The following CACNA2D3 variants were observed in gnomAD, a reference collection of about 807,000 sequenced individuals.
CACNA2D3 encodes voltage-dependent calcium channel subunit alpha-2/delta-3.
Under a neutral mutation model 160.6 loss-of-function variants are expected in CACNA2D3, and 60 were observed. That is an observed-to-expected ratio of 0.37 (90% CI 0.30 to 0.46). CACNA2D3 has a LOEUF of 0.46. Among genes scored for constraint, CACNA2D3 ranks in the 20% least tolerant of loss-of-function variants. The probability of loss-of-function intolerance (pLI) is 1.00; values close to 1 mark genes in which losing one functional copy is unlikely to be tolerated. For synonymous variants in CACNA2D3, 558 were observed against 492.9 expected, an observed-to-expected ratio of 1.13 and a Z score of -1.75; for missense variants, 1,205 against 1,365.0, an observed-to-expected ratio of 0.88 and a Z score of 1.85.
chr3:54,766,942 AAAAG>A (rs1702236383), intron 13 of CACNA2D3, among the ~76,000 whole-genome samples: 1 of 151,394 alleles, frequency 6.6e-6, no homozygotes, highest in African/African-American at 2.4e-5. Context: ...ACAAAAAAAA[AAAAG>A]AAAAAGCAAA....
At chr3:54,883,825 T>TCTCTCTCTCTCC (rs59265675) in intron 21 of CACNA2D3, among the ~76,000 whole-genome samples, 6 of 144,320 alleles carry the variant, frequency 4.2e-5, no homozygotes, top group African/African-American at 1.6e-4. Context: ...CTCTCTCTCC[T>TCTCTCTCTCTCC]CTCTCTCCCT....
chr3:54,246,628 G>A (rs906003989), intron 2 of CACNA2D3, among the ~76,000 whole-genome samples: 31 of 151,402 alleles, frequency 2.0e-4, no homozygotes, highest in African/African-American at 7.6e-4. Flanking sequence ...GGAGGCTGAG[G>A]CAGGATAATC....
At chr3:54,771,688 C>G (rs572282738) in intron 13 of CACNA2D3, among the ~76,000 whole-genome samples, 13 of 152,298 alleles carry the variant, frequency 8.5e-5, no homozygotes, top group African/African-American at 3.1e-4. Flanking sequence ...AAAGCTTCTT[C>G]CATTAAGTCA....
intron 3 of CACNA2D3, among the ~76,000 whole-genome samples, chr3:54,355,503 A>G (rs1698633728): frequency 6.6e-6 from 1 of 152,128 alleles, no homozygotes; most frequent in South Asian, 2.1e-4. Flanking sequence ...TAGAGTCATC[A>G]GGAATTGTTC....
At chr3:54,607,737 A>G (rs879730863) in intron 9 of CACNA2D3, among the ~76,000 whole-genome samples, 3 of 152,206 alleles carry the variant, frequency 2.0e-5, no homozygotes, top group Non-Finnish European at 4.4e-5. Context: ...GATATTTACC[A>G]AAAGGAATGA....
intron 23 of CACNA2D3, 30 bp from the exon 24 acceptor site, chr3:54,887,929 A>G: frequency 6.3e-7 from 1 of 1,578,724 alleles, no homozygotes; most frequent in Non-Finnish European, 8.7e-7. Flanking sequence ...AGCCCTGCTG[A>G]AGCATCCTCT....
At chr3:54,296,403 C>T (rs1415024834) in intron 2 of CACNA2D3, among the ~76,000 whole-genome samples, 4 of 152,214 alleles carry the variant, frequency 2.6e-5, no homozygotes, top group Non-Finnish European at 5.9e-5. Flanking sequence ...TGGCTTCCAT[C>T]ACATAGACCC....
chr3:54,232,192 A>G (rs1043339148), intron 2 of CACNA2D3, among the ~76,000 whole-genome samples: 5 of 152,224 alleles, frequency 3.3e-5, no homozygotes, highest in Non-Finnish European at 7.3e-5. Flanking sequence ...CGAGCATTCC[A>G]ATCCTGGATC....
chr3:54,899,688 C>A, intron 26 of CACNA2D3, 100 bp from the exon 27 acceptor site: 1 of 882,646 alleles, frequency 1.1e-6, no homozygotes, highest in Non-Finnish European at 1.8e-6. Flanking sequence ...AGCCCCAGAA[C>A]AATTTGCAGA....
chr3:54,391,685 A>AT (rs1699285155), intron 4 of CACNA2D3, among the ~76,000 whole-genome samples: 1 of 151,744 alleles, frequency 6.6e-6, no homozygotes, highest in East Asian at 1.9e-4. Context: ...TACTTCTTGT[A>AT]TTTTTTGTGG....
At chr3:54,907,811 A>G (rs1025670417) in intron 27 of CACNA2D3, among the ~76,000 whole-genome samples, 5 of 152,284 alleles carry the variant, frequency 3.3e-5, no homozygotes, top group African/African-American at 4.8e-5. Flanking sequence ...TTCCAGATAA[A>G]TGGAATCATG....
Position 54,161,771 on chromosome 3 carries a change from A to G in CACNA2D3, c.204+38177A>G, listed in dbSNP as rs1349207. Among the ~76,000 whole-genome samples the G allele has an allele frequency of 7.1e-3, 1,084 of 152,318 alleles. 23 individuals are homozygous for G. The highest frequency in any genetic ancestry group is 0.039 in the Admixed American group (604 of 15,304). ...TCTTTCCATTGTGTACCTTGACAAG[A>G]GAGTCCTTTAGGAAATACAGCAGAA... On this transcript the variant is annotated intron_variant, in intron 2 of 37. Coordinates refer to ENST00000474759, the MANE Select transcript of CACNA2D3 (RefSeq NM_018398.3).
intron 35 of CACNA2D3, among the ~76,000 whole-genome samples, chr3:55,032,268 C>T (rs1251796440): frequency 6.6e-6 from 1 of 152,168 alleles, no homozygotes; most frequent in East Asian, 1.9e-4. Flanking sequence ...GTGGATGCCT[C>T]TCTGTCATGA....
At chr3:54,802,057 T>G (rs1224633618) in intron 13 of CACNA2D3, among the ~76,000 whole-genome samples, 1 of 152,208 alleles carries the variant, frequency 6.6e-6, no homozygotes, top group Non-Finnish European at 1.5e-5. Context: ...TTATTGACCC[T>G]GTTTTTATCT....
At chr3:54,838,754 A>C in intron 16 of CACNA2D3, 106 bp downstream of exon 16, 1 of 819,946 alleles carries the variant, frequency 1.2e-6, no homozygotes, top group East Asian at 2.4e-5. Context: ...GTTTTTGCTC[A>C]CCACTATTAC....
chr3:54,308,754 C>A (rs192312253), intron 2 of CACNA2D3, among the ~76,000 whole-genome samples: 6 of 152,132 alleles, frequency 3.9e-5, no homozygotes, highest in Admixed American at 1.3e-4. Flanking sequence ...TCTCCCTGAC[C>A]CAAATAGAAT....
chr3:54,917,385 G>T (rs1007061100), intron 27 of CACNA2D3, among the ~76,000 whole-genome samples: 1 of 152,212 alleles, frequency 6.6e-6, no homozygotes, highest in African/African-American at 2.4e-5. Flanking sequence ...CACCTATCTT[G>T]AGTCTCTTGG....
chr3:54,392,305 GA>G (rs10711492), intron 4 of CACNA2D3, among the ~76,000 whole-genome samples: 36,402 of 149,170 alleles, frequency 0.24, 4,465 homozygotes, highest in Middle Eastern at 0.33. Flanking sequence ...CAGTAAAGAA[GA>G]AAAAAAAAAT....
chr3:54,872,379 T>C (rs1219135777), intron 18 of CACNA2D3, among the ~76,000 whole-genome samples: 1 of 152,182 alleles, frequency 6.6e-6, no homozygotes, highest in Non-Finnish European at 1.5e-5. Flanking sequence ...TCTGGGTCCC[T>C]ACTCTTCCCT....
Sources: allele counts gnomAD v4.1 joint callset (sites outside exome capture counted in the v4.1 genomes callset), GRCh38; gene constraint gnomAD v4.1.1; transcripts MANE v1.5; gene names NCBI Gene and HGNC (gene_info 2026-07-23, HGNC 2026-07-21).